Variants in SHB observed in about 807,000 individuals in gnomAD.
SHB encodes SH2 domain-containing adapter protein B.
Under a neutral mutation model 52.3 loss-of-function variants are expected in SHB, and 20 were observed. The observed-to-expected ratio is 0.38, with a 90% confidence interval of 0.27 to 0.56. The LOEUF (loss-of-function observed/expected upper bound fraction) is 0.56. Among genes scored for constraint, SHB ranks in the 20% least tolerant of loss-of-function variants. The pLI, the probability that SHB is intolerant of heterozygous loss-of-function variation, is 0.71. For missense variants in SHB, 825 were observed against 723.3 expected (o/e 1.14, Z -1.61); for synonymous variants, 397 against 316.5 (o/e 1.25, Z -2.70).
intron 3 of SHB, among the ~76,000 whole-genome samples, chr9:37,966,860 C>A (rs978509371): frequency 6.6e-6 from 1 of 152,168 alleles, no homozygotes; most frequent in African/African-American, 2.4e-5. Context: ...GGAGCAGTGC[C>A]CTACACACAC....
At chr9:38,039,930 G>T (rs533683956) in intron 1 of SHB, among the ~76,000 whole-genome samples, 16 of 152,358 alleles carry the variant, frequency 1.1e-4, no homozygotes, top group African/African-American at 3.6e-4. Flanking sequence ...GAATCCCTAG[G>T]CCCCAGTCTT....
Position 38,032,587 on chromosome 9 carries a change from G to A in SHB, c.718-16456C>T, listed in dbSNP as rs138860646. Among the ~76,000 whole-genome samples the A allele has an allele frequency of 5.1e-3, 781 of 152,252 alleles. 8 individuals are homozygous for A. Among genetic ancestry groups the A allele is most frequent in the South Asian group, 0.019 (91 of 4,822 alleles). Reference sequence around the variant, plus strand: ...CCTTCCTCAGCTGCCCTGTGACTCCGGCACACCTGCAACCTGCCCTGCCCG... The same window carrying A: ...CCTTCCTCAGCTGCCCTGTGACTCCAGCACACCTGCAACCTGCCCTGCCCG... On this transcript the variant is annotated intron_variant, in intron 1 of 5. Transcript: ENST00000377707.
At chr9:37,953,651 G>A (rs1832593256) in intron 4 of SHB, among the ~76,000 whole-genome samples, 1 of 152,090 alleles carries the variant, frequency 6.6e-6, no homozygotes, top group Non-Finnish European at 1.5e-5. Flanking sequence ...TGTGACCTGG[G>A]GCACACCCCA....
chr9:37,926,583 T>C (rs1015161288), intron 5 of SHB, among the ~76,000 whole-genome samples: 1 of 152,172 alleles, frequency 6.6e-6, no homozygotes, highest in African/African-American at 2.4e-5. Context: ...CACAAGTCCA[T>C]TGAATCTTCA....
At chr9:38,017,463 G>A (rs982300335) in intron 1 of SHB, among the ~76,000 whole-genome samples, 5 of 152,230 alleles carry the variant, frequency 3.3e-5, no homozygotes, top group African/African-American at 1.2e-4. Flanking sequence ...TGTGGCAGCC[G>A]TCCTGGCAGG....
chr9:37,948,855 C>G, intron 4 of SHB, 101 bp from the exon 5 acceptor site: 1 of 1,487,016 alleles, frequency 6.7e-7, no homozygotes, highest in East Asian at 2.3e-5. Context: ...CCTCCCTGTA[C>G]AAGCAGGCAT....
At chr9:37,924,129 CCTGT>C (rs1210710768) in intron 5 of SHB, among the ~76,000 whole-genome samples, 7 of 152,192 alleles carry the variant, frequency 4.6e-5, no homozygotes, top group East Asian at 1.9e-4. Context: ...TGGTGGGTGA[CCTGT>C]CTAATGAGTC....
chr9:37,972,765 C>T (rs1204285565), intron 3 of SHB, among the ~76,000 whole-genome samples: 1 of 152,118 alleles, frequency 6.6e-6, no homozygotes, highest in Non-Finnish European at 1.5e-5. Context: ...ATTCACAGAA[C>T]TGTGAGTAAT....
intron 5 of SHB, among the ~76,000 whole-genome samples, chr9:37,938,793 C>T (rs143026632): frequency 6.6e-6 from 1 of 152,200 alleles, no homozygotes; most frequent in African/African-American, 2.4e-5. Context: ...TTGACGGGCA[C>T]GTCTGGCACT....
rs1832608770 is a variant in SHB, at chr9:37,954,768, A to AGGGAGG, written c.1226+1114_1226+1115insCCTCCC. The stretch of plus-strand genomic sequence containing the variant: ...AGTTTGCAGACAATTCACAGAATGA[A>AGGGAGG]TGGCAGGCTAGGGAGGTGGGACTTT... On this transcript the variant is annotated intron_variant, in intron 4 of 5. Transcript: ENST00000377707. Among the ~76,000 whole-genome samples the AGGGAGG allele has an allele frequency of 2.0e-5, 3 of 152,222 alleles. 1 individual carries two copies. Among genetic ancestry groups the AGGGAGG allele is most frequent in the Admixed American group, 2.0e-4 (3 of 15,284 alleles).
chr9:37,973,519 G>A (rs1298272704), intron 3 of SHB, among the ~76,000 whole-genome samples: 1 of 152,206 alleles, frequency 6.6e-6, no homozygotes, highest in East Asian at 1.9e-4. Context: ...CACCGCGCCC[G>A]GCCTTCTGAA....
At chr9:38,059,829 G>T (rs1328888273) in intron 1 of SHB, among the ~76,000 whole-genome samples, 1 of 152,202 alleles carries the variant, frequency 6.6e-6, no homozygotes, top group Non-Finnish European at 1.5e-5. Flanking sequence ...GTGAGGCAGG[G>T]AAGAATGCAC....
intron 2 of SHB, among the ~76,000 whole-genome samples, chr9:37,991,126 G>A (rs1252017668): frequency 6.6e-6 from 1 of 152,178 alleles, no homozygotes; most frequent in African/African-American, 2.4e-5. Context: ...TCTCCTGTTT[G>A]ATATTATCAA....
intron 1 of SHB, among the ~76,000 whole-genome samples, chr9:38,037,567 T>C (rs1821504211): frequency 6.6e-6 from 1 of 152,242 alleles, no homozygotes; most frequent in Non-Finnish European, 1.5e-5. Context: ...TCAACCTCTC[T>C]GGGCCTCAGT....
rs1358544401 is a variant in SHB at position 38,068,668 on chromosome 9, C to G, written c.-23G>C. 2.3e-6 allele frequency: 3 copies of G among 1,311,842 alleles called. No individual in the cohort carries two copies. The South Asian group carries it at 6.7e-5, about 29-fold the overall frequency. 81.3% of individuals were successfully genotyped at this position (1,311,842 alleles called of 1,614,324 possible). A position where few individuals can be genotyped will look rare whatever the true frequency, so the allele number is the denominator to read the frequency against. On this transcript the variant is annotated 5_prime_UTR_variant, in exon 1 of 6. Transcript: ENST00000377707. Reference sequence around the variant, plus strand: ...CATGGCGAGAGGCCGCCTAGGGCCGCGGCGCGGGAGCCCGGTCCGCCGCCG... The same window carrying G: ...CATGGCGAGAGGCCGCCTAGGGCCGGGGCGCGGGAGCCCGGTCCGCCGCCG...
intron 1 of SHB, among the ~76,000 whole-genome samples, chr9:38,024,612 G>C (rs996581842): frequency 6.6e-6 from 1 of 152,210 alleles, no homozygotes; most frequent in Admixed American, 6.5e-5. Context: ...CTGGGTAGGA[G>C]GCTGCTGGGA....
intron 1 of SHB, among the ~76,000 whole-genome samples, chr9:38,059,327 A>G (rs1198250228): frequency 6.7e-6 from 1 of 149,080 alleles, no homozygotes; most frequent in Non-Finnish European, 1.5e-5. Context: ...TGCTTGGAAA[A>G]CACTGGGCCT....
intron 3 of SHB, among the ~76,000 whole-genome samples, chr9:37,963,361 C>T (rs1832714476): frequency 1.3e-5 from 2 of 152,210 alleles, no homozygotes; most frequent in Admixed American, 1.3e-4. Context: ...TGATGAAAAA[C>T]AAGGCACCGT....
At position 37,917,459 on chromosome 9, in the gene SHB, C is replaced by G. The variant is rs575393084; in HGVS notation, c.*2362G>C. Among the ~76,000 whole-genome samples the G allele has an allele frequency of 6.6e-6, 1 of 152,338 alleles. No individual in the cohort carries two copies. The highest frequency in any genetic ancestry group is 2.1e-4 in the South Asian group (1 of 4,822). ...GGAGCAATGTGCCCGGGAAGATGGT[C>G]TACAGGGAAGGACCGTGAGGTGCGG... On this transcript the variant is annotated 3_prime_UTR_variant, in exon 6 of 6. Transcript: ENST00000377707.
Sources: allele counts gnomAD v4.1 joint callset (sites outside exome capture counted in the v4.1 genomes callset), GRCh38; gene constraint gnomAD v4.1.1; transcripts MANE v1.5; gene names NCBI Gene and HGNC (gene_info 2026-07-23, HGNC 2026-07-21).